Variants in ARHGAP20 observed in about 807,000 individuals in gnomAD.
ARHGAP20 encodes the protein rho GTPase-activating protein 20.
In ARHGAP20, 34 loss-of-function variants were observed where a neutral mutation model predicts 73.7. The observed-to-expected ratio is 0.46, with a 90% CI of 0.35 to 0.61. ARHGAP20 has a LOEUF of 0.61. Ranked by LOEUF, ARHGAP20 falls within the 20% of genes least tolerant of loss-of-function variation. ARHGAP20 has a pLI of 0.00. For synonymous variants in ARHGAP20, 523 were observed against 518.2 expected (o/e 1.01, Z -0.13); for missense variants, 1,314 against 1,420.9 (o/e 0.92, Z 1.21).
At chr11:110,648,252 T>TAAATATATATATGC (rs1949266464) in intron 2 of ARHGAP20, among the ~76,000 whole-genome samples, 1 of 83,074 alleles carries the variant, frequency 1.2e-5, no homozygotes, top group Admixed American at 1.2e-4. Context: ...TATATATATG[T>TAAATATATATATGC]AAATATATAT....
chr11:110,599,120 A>G (rs1565430837), intron 9 of ARHGAP20, among the ~76,000 whole-genome samples: 1 of 152,184 alleles, frequency 6.6e-6, no homozygotes. Flanking sequence ...CTCTTGCTCC[A>G]TGGAACATGC....
chr11:110,577,635 G>A lies in ARHGAP20; in HGVS notation c.*1735C>T. The A allele has an allele frequency of 1.0e-6, 1 of 986,028 alleles. No homozygotes were observed. Among genetic ancestry groups the A allele is most frequent in the Non-Finnish European group, 1.2e-6 (1 of 830,074 alleles). The allele number at this position is 986,028 out of a possible 1,614,324, so 61.1% of individuals were successfully genotyped here. A position where few individuals can be genotyped will look rare whatever the true frequency, so the allele number is the denominator to read the frequency against. On this transcript the variant is annotated 3_prime_UTR_variant, in exon 15 of 15. Transcript: ENST00000683387. ...AAAAGATGCATATGGACACTTAGAAGTCTTAATATGTAGGACTGGTTAGTT... is the reference window on the plus strand; with the variant it reads ...AAAAGATGCATATGGACACTTAGAAATCTTAATATGTAGGACTGGTTAGTT...
intron 1 of ARHGAP20, among the ~76,000 whole-genome samples, chr11:110,704,890 A>G (rs1291300630): frequency 6.6e-6 from 1 of 152,180 alleles, no homozygotes; most frequent in Non-Finnish European, 1.5e-5. Context: ...CTCTGAAGAC[A>G]TGAGGGGTAT....
At chr11:110,693,865 A>G (rs1266188488) in intron 1 of ARHGAP20, among the ~76,000 whole-genome samples, 2 of 151,890 alleles carry the variant, frequency 1.3e-5, no homozygotes, top group Non-Finnish European at 2.9e-5. Flanking sequence ...TGACAGGGAT[A>G]ACTATAATTA....
chr11:110,635,206 G>C (rs1948940178), intron 2 of ARHGAP20, among the ~76,000 whole-genome samples: 1 of 151,968 alleles, frequency 6.6e-6, no homozygotes. Context: ...AATCCCCAGT[G>C]GTCAGCCATC....
chr11:110,661,194 T>C (rs1312415683), intron 2 of ARHGAP20, among the ~76,000 whole-genome samples: 1 of 152,202 alleles, frequency 6.6e-6, no homozygotes, highest in African/African-American at 2.4e-5. Context: ...CAGATAATTA[T>C]TAAGTCCAAG....
intron 2 of ARHGAP20, among the ~76,000 whole-genome samples, chr11:110,660,064 A>AAAAAAAAAAAAC (rs1555097588): frequency 2.1e-3 from 269 of 128,822 alleles, no homozygotes; most frequent in Admixed American, 4.5e-3. Context: ...TAAAAAACAA[A>AAAAAAAAAAAAC]AAAAAAAAAA....
chr11:110,666,615 A>G (rs931519112), intron 2 of ARHGAP20, among the ~76,000 whole-genome samples: 2 of 152,170 alleles, frequency 1.3e-5, no homozygotes, highest in Non-Finnish European at 2.9e-5. Flanking sequence ...ACAAATTGAA[A>G]CTTTGTGGCA....
At chr11:110,706,742 A>G (rs1178237719) in intron 1 of ARHGAP20, among the ~76,000 whole-genome samples, 2 of 152,088 alleles carry the variant, frequency 1.3e-5, no homozygotes, top group Non-Finnish European at 2.9e-5. Context: ...ACAAAGCCCA[A>G]TCAGAAGTTC....
At position 110,610,103 on chromosome 11, in the gene ARHGAP20, C is replaced by T. The variant is rs535221682; in HGVS notation, c.709-1053G>A. Among the ~76,000 whole-genome samples, 91 of 152,224 alleles carry T rather than the reference C, an allele frequency of 6.0e-4. 1 individual carries two copies. The highest frequency in any genetic ancestry group is 4.6e-3 in the South Asian group (22 of 4,820). ...ATGAATCATGTCAGTAATTCCTCTA[C>T]ATACCTCTAAAACTCTCTACTTTCT... On this transcript the variant is annotated intron_variant, in intron 7 of 14. Coordinates refer to ENST00000683387, the MANE Select transcript of ARHGAP20 (RefSeq NM_001384657.1).
At chr11:110,654,042 G>C (rs972442980) in intron 2 of ARHGAP20, among the ~76,000 whole-genome samples, 9 of 152,006 alleles carry the variant, frequency 5.9e-5, no homozygotes, top group African/African-American at 2.2e-4. Context: ...ACATACACTG[G>C]GGCCTGTCAG....
At chr11:110,669,233 G>C (rs1036150084) in intron 2 of ARHGAP20, among the ~76,000 whole-genome samples, 4 of 152,094 alleles carry the variant, frequency 2.6e-5, no homozygotes, top group African/African-American at 9.7e-5. Flanking sequence ...TTTATATATA[G>C]AACTGTGCTG....
At chr11:110,617,515 C>T (rs4754478) in intron 4 of ARHGAP20, among the ~76,000 whole-genome samples, 1 of 151,904 alleles carries the variant, frequency 6.6e-6, no homozygotes, top group South Asian at 2.1e-4. Context: ...CACCCGCCTC[C>T]GCCTCCCAAA....
At chr11:110,609,835 C>T (rs138345379) in intron 7 of ARHGAP20, among the ~76,000 whole-genome samples, 19 of 152,126 alleles carry the variant, frequency 1.2e-4, no homozygotes, top group Middle Eastern at 3.4e-3. Flanking sequence ...CCATTCCACC[C>T]CCCATACTCA....
chr11:110,701,300 T>G (rs1357973337), intron 1 of ARHGAP20, among the ~76,000 whole-genome samples: 1 of 150,370 alleles, frequency 6.7e-6, no homozygotes, highest in Non-Finnish European at 1.5e-5. Context: ...AGATGGTATC[T>G]CATTGTGGTT....
Position 110,590,619 on chromosome 11 carries a change from G to T in ARHGAP20, c.1305+29C>A, listed in dbSNP as rs776029510. ...CCCTCTTTCTCTAGAGCTACACCAT[G>T]GGGTGGATAAAGGGATGACTCTTCT... On this transcript the variant is annotated intron_variant, in intron 11 of 14. Coordinates refer to ENST00000683387, the MANE Select transcript of ARHGAP20 (RefSeq NM_001384657.1). 4.4e-6 allele frequency: 7 copies of T among 1,598,156 alleles called. No individual in the cohort carries two copies. In the Admixed American group the frequency reaches 1.2e-4, roughly 28 times the overall value.
At chr11:110,642,995 G>C (rs1395642352) in intron 2 of ARHGAP20, among the ~76,000 whole-genome samples, 3 of 151,898 alleles carry the variant, frequency 2.0e-5, no homozygotes, top group African/African-American at 7.2e-5. Context: ...GTTTCTTCCT[G>C]GTTCAATCTT....
At chr11:110,708,654 T>G (rs941997166) in intron 1 of ARHGAP20, among the ~76,000 whole-genome samples, 3 of 152,116 alleles carry the variant, frequency 2.0e-5, no homozygotes, top group African/African-American at 7.2e-5. Flanking sequence ...TATGATTACA[T>G]TTACAAAAAA....
chr11:110,624,234 C>T lies in ARHGAP20; in HGVS notation c.431G>A (p.Gly144Glu). The change falls in exon 4 of 15, where the codon GGA becomes GAA. Residue 144 changes from glycine (G) to glutamate (E), a missense_variant. Transcript: ENST00000683387. ...TTTCATGGCATTGGTGTTGCCTTCT[C>T]CCACTTCATCCACACAGCTTGCTGT... ...MWTASCVDEVGEGNTNAMKSF... is the reference protein window; with the variant it reads ...MWTASCVDEVEEGNTNAMKSF... The T allele has an allele frequency of 3.1e-6, 5 of 1,613,282 alleles. No homozygotes were observed. Among genetic ancestry groups the T allele is most frequent in the Non-Finnish European group, 4.2e-6 (5 of 1,179,762 alleles).
Sources: gnomAD v4.1 joint callset for allele counts (sites outside exome capture counted in the v4.1 genomes callset) on GRCh38, gnomAD v4.1.1 for gene constraint, MANE v1.5 for transcripts, NCBI Gene and HGNC (gene_info 2026-07-23, HGNC 2026-07-21) for gene names.